The following MTUS2 variants were observed in gnomAD, a reference collection of about 807,000 sequenced individuals.
MTUS2 encodes the protein microtubule associated scaffold protein 2.
Under a neutral mutation model 114.1 loss-of-function variants are expected in MTUS2, and 40 were observed. The ratio of observed to expected loss-of-function variants is 0.35; its 90% confidence interval spans 0.27 to 0.46. The LOEUF (loss-of-function observed/expected upper bound fraction) is 0.46. Among genes scored for constraint, MTUS2 ranks in the 20% least tolerant of loss-of-function variants. MTUS2 has a pLI of 1.00. For synonymous variants in MTUS2, 688 were observed against 672.0 expected (o/e 1.02, Z -0.37); for missense variants, 1,679 against 1,705.4 (o/e 0.98, Z 0.27).
chr13:28,900,030 G>A (rs1488124583), intron 2 of MTUS2, among the ~76,000 whole-genome samples: 2 of 152,010 alleles, frequency 1.3e-5, no homozygotes, highest in Non-Finnish European at 2.9e-5. Context: ...TGGGATTACA[G>A]GCATGCACCA....
intron 8 of MTUS2, chr13:29,428,932 C>G (rs1241566089): frequency 1.2e-6 from 2 of 1,605,172 alleles, no homozygotes; most frequent in South Asian, 2.2e-5. Context: ...TCCCCCTCCT[C>G]CTTTGCAAGG....
At chr13:29,260,529 A>C (rs1897431937) in intron 5 of MTUS2, among the ~76,000 whole-genome samples, 1 of 152,230 alleles carries the variant, frequency 6.6e-6, no homozygotes, top group Admixed American at 6.5e-5. Flanking sequence ...TTTTTCACAC[A>C]AAAGAATTTA....
At chr13:28,910,489 T>A (rs1880346931) in intron 2 of MTUS2, among the ~76,000 whole-genome samples, 1 of 152,110 alleles carries the variant, frequency 6.6e-6, no homozygotes, top group South Asian at 2.1e-4. Flanking sequence ...ATCACCTAGG[T>A]ATTAAGCCCA....
chr13:29,022,674 T>C lies in MTUS2; in HGVS notation c.-242-1783T>C, dbSNP rs183856282. Among the ~76,000 whole-genome samples the C allele has an allele frequency of 3.2e-3, 482 of 152,294 alleles. 2 individuals are homozygous for C. The highest frequency in any genetic ancestry group is 0.011 in the African/African-American group (444 of 41,566). ...AAGTGTGGAAGGCTTCAAGTCTCCA[T>C]TGGGGGAATTGGTGACGGGGCAGAA... On this transcript the variant is annotated intron_variant, in intron 2 of 15. Transcript: ENST00000612955.
At chr13:28,936,982 G>A (rs1351300773) in intron 2 of MTUS2, among the ~76,000 whole-genome samples, 3 of 152,150 alleles carry the variant, frequency 2.0e-5, no homozygotes, top group Non-Finnish European at 4.4e-5. Context: ...ACTTCTTAAA[G>A]AGAACTGCTG....
At position 29,491,798 on chromosome 13, in the gene MTUS2, G is replaced by A. The variant is rs542498575; in HGVS notation, c.3506-848G>A. Among the ~76,000 whole-genome samples, 46 of 143,478 alleles carry A rather than the reference G, an allele frequency of 3.2e-4. 1 individual carries two copies. The highest frequency in any genetic ancestry group is 7.4e-3 in the Middle Eastern group (2 of 270). The allele number at this position is 143,478 out of a possible 152,430, so 94.1% of individuals were successfully genotyped here. On this transcript the variant is annotated intron_variant, in intron 11 of 15. Coordinates refer to ENST00000612955, the MANE Select transcript of MTUS2 (RefSeq NM_001033602.4). Reference sequence around the variant, plus strand: ...GTATGTATGTGCTGTTGTATGTAGCGTATGTGATGTGTGTGGGGTAGGTGT... The same window carrying A: ...GTATGTATGTGCTGTTGTATGTAGCATATGTGATGTGTGTGGGGTAGGTGT...
chr13:29,459,465 C>T (rs1879338749), intron 9 of MTUS2, among the ~76,000 whole-genome samples: 2 of 152,254 alleles, frequency 1.3e-5, no homozygotes, highest in East Asian at 1.9e-4. Context: ...ACTGCAAAAG[C>T]CTCCTCACTA....
intron 6 of MTUS2, among the ~76,000 whole-genome samples, chr13:29,299,475 G>A (rs1007899387): frequency 6.6e-6 from 1 of 152,184 alleles, no homozygotes; most frequent in East Asian, 1.9e-4. Context: ...GAGCTGATGG[G>A]GGTCACAGGA....
chr13:28,843,108 G>A (rs964203089), intron 2 of MTUS2, among the ~76,000 whole-genome samples: 1 of 152,144 alleles, frequency 6.6e-6, no homozygotes, highest in South Asian at 2.1e-4. Flanking sequence ...TCATCCCCCA[G>A]AGCTGCTTTA....
intron 6 of MTUS2, among the ~76,000 whole-genome samples, chr13:29,303,571 G>A (rs796469258): frequency 1.2e-4 from 19 of 152,158 alleles, no homozygotes; most frequent in African/African-American, 4.6e-4. Context: ...AATAAGACAG[G>A]CAGACAAGAA....
At chr13:28,921,337 A>G (rs1881029841) in intron 2 of MTUS2, among the ~76,000 whole-genome samples, 2 of 152,138 alleles carry the variant, frequency 1.3e-5, no homozygotes, top group Admixed American at 6.5e-5. Flanking sequence ...AATGTCTGTT[A>G]TGAGCTAGAG....
At chr13:28,887,662 T>C (rs1878670942) in intron 2 of MTUS2, among the ~76,000 whole-genome samples, 1 of 152,190 alleles carries the variant, frequency 6.6e-6, no homozygotes, top group Non-Finnish European at 1.5e-5. Context: ...TGCAGGCATG[T>C]GCCAAGGTGG....
At chr13:29,220,278 G>A (rs188345714) in intron 5 of MTUS2, among the ~76,000 whole-genome samples, 9 of 152,284 alleles carry the variant, frequency 5.9e-5, no homozygotes, top group Middle Eastern at 3.4e-3. Context: ...TGGGATTACA[G>A]GCATGAGCCA....
chr13:28,919,126 A>C (rs1054343904), intron 2 of MTUS2, among the ~76,000 whole-genome samples: 11 of 152,112 alleles, frequency 7.2e-5, no homozygotes, highest in African/African-American at 2.7e-4. Context: ...TAGAGTGTTA[A>C]AATATTCTAT....
At chr13:29,044,614 T>C (rs533949487) in intron 4 of MTUS2, among the ~76,000 whole-genome samples, 1 of 152,346 alleles carries the variant, frequency 6.6e-6, no homozygotes, top group African/African-American at 2.4e-5. Flanking sequence ...TGTTACTCTG[T>C]TCATTTCTTT....
intron 10 of MTUS2, among the ~76,000 whole-genome samples, chr13:29,485,832 G>T (rs764990696): frequency 5.3e-5 from 8 of 151,358 alleles, no homozygotes; most frequent in African/African-American, 1.9e-4. Flanking sequence ...ATGATCATTT[G>T]TGTAAGCACC....
intron 5 of MTUS2, among the ~76,000 whole-genome samples, chr13:29,116,027 A>G (rs972635711): frequency 6.6e-6 from 1 of 152,234 alleles, no homozygotes; most frequent in Admixed American, 6.5e-5. Context: ...TGGCATGTAG[A>G]TATCTGTGAA....
chr13:29,085,733 A>G (rs1015657012), intron 4 of MTUS2, among the ~76,000 whole-genome samples: 4 of 152,216 alleles, frequency 2.6e-5, no homozygotes, highest in Admixed American at 2.6e-4. Flanking sequence ...TATTGTGAAT[A>G]GTGCTATGAT....
chr13:29,193,616 A>G (rs1428521416), intron 5 of MTUS2, among the ~76,000 whole-genome samples: 1 of 152,230 alleles, frequency 6.6e-6, no homozygotes, highest in Non-Finnish European at 1.5e-5. Context: ...ATGGAAGAAC[A>G]TTGCATGCTC....
Sources: allele counts gnomAD v4.1 joint callset (sites outside exome capture counted in the v4.1 genomes callset), GRCh38; gene constraint gnomAD v4.1.1; transcripts MANE v1.5; gene names NCBI Gene and HGNC (gene_info 2026-07-23, HGNC 2026-07-21).